Variants in MFSD6 observed in about 807,000 individuals in gnomAD.
MFSD6 encodes major facilitator superfamily domain-containing protein 6.
MFSD6 carries 26 observed loss-of-function variants against 56.3 expected under a neutral mutation model. The observed-to-expected ratio is 0.46, with a 90% CI of 0.34 to 0.64. The LOEUF is 0.64. Among genes scored for constraint, MFSD6 ranks in the 30% least tolerant of loss-of-function variants. MFSD6 has a pLI of 0.01. For missense variants in MFSD6, 750 were observed against 986.2 expected, an observed-to-expected ratio of 0.76 and a Z score of 3.21; for synonymous variants, 331 against 366.9, an observed-to-expected ratio of 0.90 and a Z score of 1.12.
rs1274940811 is a variant in MFSD6, at chr2:190,426,670, C to T, written c.-53-9307C>T. Among the ~76,000 whole-genome samples the T allele has an allele frequency of 6.6e-6, 1 of 152,132 alleles. No homozygotes were observed. The highest frequency in any genetic ancestry group is 2.4e-5 in the African/African-American group (1 of 41,432). On this transcript the variant is annotated intron_variant, in intron 2 of 7. Coordinates refer to ENST00000392328, the MANE Select transcript of MFSD6 (RefSeq NM_017694.4). This position sits in a 1 kb window ranked among gnomAD's most constrained non-coding sequence, Gnocchi z 4.7. ...TGGAGTCCCCAGTGTCTATTATTTC[C>T]AAATGATGGTTGTTTTCAAAATGGT... is the stretch of plus-strand genomic sequence containing the variant.
intron 4 of MFSD6, among the ~76,000 whole-genome samples, chr2:190,481,243 A>T (rs1688647059): frequency 6.6e-6 from 1 of 152,248 alleles, no homozygotes; most frequent in Non-Finnish European, 1.5e-5. Flanking sequence ...GTAAAAATTC[A>T]CGAGGGCCCC....
In MFSD6 at chr2:190,437,178, G is replaced by C; in HGVS notation, c.1149G>C (p.Leu383Phe). The C allele has an allele frequency of 3.7e-6, 6 of 1,614,240 alleles. No homozygotes were observed. The highest frequency in any genetic ancestry group is 5.1e-6 in the Non-Finnish European group (6 of 1,180,044). Residue 383 changes from leucine (L) to phenylalanine (F), a missense_variant, in exon 3 of 8, where the codon TTG (leucine) becomes TTC (phenylalanine). This residue lies in a region of MFSD6 where 376 missense variants were observed against 437.9 expected (regional missense o/e 0.86). Transcript: ENST00000392328. The surrounding 1 kb of genome is among the most constrained non-coding windows in gnomAD (Gnocchi z 5.9). ...IVFGVLMTMA[L>F]IVATQFRFRY... ...TCGGCGTTCTCATGACCATGGCCTTGATCGTTGCCACTCAGTTCCGGTTCC... is the reference window on the plus strand; with the variant it reads ...TCGGCGTTCTCATGACCATGGCCTTCATCGTTGCCACTCAGTTCCGGTTCC...
chr2:190,427,133 C>A (rs937369315), intron 2 of MFSD6, among the ~76,000 whole-genome samples: 3 of 152,220 alleles, frequency 2.0e-5, no homozygotes, highest in African/African-American at 7.2e-5. Context: ...TGACATCACC[C>A]CAGTGGGGAA....
At chr2:190,479,415 A>G (rs1346005269) in intron 4 of MFSD6, among the ~76,000 whole-genome samples, 1 of 152,204 alleles carries the variant, frequency 6.6e-6, no homozygotes, top group Non-Finnish European at 1.5e-5. Context: ...ACGTGCCTAA[A>G]AGCATTGCTG....
rs76155346 is a variant in MFSD6 at position 190,460,235 on chromosome 2, A to C, written c.1533-9523A>C. On this transcript the variant is annotated intron_variant, in intron 3 of 7. Transcript: ENST00000392328. ...TATTTATTGTTTGTCCACATAAATA[A>C]AAATATTTATTTTCAACCATAGCCT... 2.8e-4 allele frequency among the ~76,000 whole-genome samples: 43 copies of C among 152,328 alleles called. No homozygotes were observed. The East Asian group carries it at 8.1e-3, about 29-fold the overall frequency.
chr2:190,440,955 G>T (rs1686351663), intron 3 of MFSD6, among the ~76,000 whole-genome samples: 1 of 152,208 alleles, frequency 6.6e-6, no homozygotes, highest in African/African-American at 2.4e-5. Context: ...CTTCAGCACA[G>T]CCAAGGACAC....
At position 190,452,266 on chromosome 2, in the gene MFSD6, CAAT is replaced by C. The variant is rs543270290; in HGVS notation, c.1532+14708_1532+14710del. 1.1e-4 allele frequency among the ~76,000 whole-genome samples: 16 copies of C among 152,034 alleles called. No homozygotes were observed. In the South Asian group the frequency reaches 2.1e-3, roughly 20 times the overall value. On this transcript the variant is annotated intron_variant, in intron 3 of 7. Transcript: ENST00000392328. ...CCAGACTCCATCTCAAAAACAACAA[CAAT>C]AACACAACAACAACAACAATAACAA...
At position 190,451,405 on chromosome 2, in the gene MFSD6, A is replaced by G. The variant is rs1027804528; in HGVS notation, c.1532+13844A>G. Among the ~76,000 whole-genome samples, 1 of 152,250 alleles carries G rather than the reference A, an allele frequency of 6.6e-6. No homozygotes were observed. Among genetic ancestry groups the G allele is most frequent in the Non-Finnish European group, 1.5e-5 (1 of 68,048 alleles). ...TTACTAATTCATTCCTCCAACAAGTATTTATTAAACACACTGGGTGACAGG... is the reference window on the plus strand; with the variant it reads ...TTACTAATTCATTCCTCCAACAAGTGTTTATTAAACACACTGGGTGACAGG... On this transcript the variant is annotated intron_variant, in intron 3 of 7. Transcript: ENST00000392328. This position sits in a 1 kb window ranked among gnomAD's most constrained non-coding sequence, Gnocchi z 5.0.
Position 190,499,131 on chromosome 2 carries a change from G to C in MFSD6, c.2173-884G>C, listed in dbSNP as rs552658167. On this transcript the variant is annotated intron_variant, in intron 7 of 7. Coordinates refer to ENST00000392328, the MANE Select transcript of MFSD6 (RefSeq NM_017694.4). The surrounding 1 kb of genome is among the most constrained non-coding windows in gnomAD (Gnocchi z 6.0). ...CCACTGCACTCCGGCCTAGGCGACA[G>C]AGTGAGACTCCGTCTCAAAATTATA... Among the ~76,000 whole-genome samples the C allele has an allele frequency of 6.6e-6, 1 of 152,302 alleles. No homozygotes were observed. Among genetic ancestry groups the C allele is most frequent in the East Asian group, 1.9e-4 (1 of 5,188 alleles).
Position 190,456,687 on chromosome 2 carries a change from T to G in MFSD6, c.1533-13071T>G, listed in dbSNP as rs1226928490. On this transcript the variant is annotated intron_variant, in intron 3 of 7. Coordinates refer to ENST00000392328, the MANE Select transcript of MFSD6 (RefSeq NM_017694.4). This position sits in a 1 kb window ranked among gnomAD's most constrained non-coding sequence, Gnocchi z 5.4. ...CCCTGACAAGGCAAGCATCCACTTC[T>G]GATTATTTAAAGTCTGCCTGCTTGA... Among the ~76,000 whole-genome samples, 1 of 152,236 alleles carries G rather than the reference T, an allele frequency of 6.6e-6. No individual in the cohort carries two copies. Among genetic ancestry groups the G allele is most frequent in the Non-Finnish European group, 1.5e-5 (1 of 68,044 alleles).
In MFSD6 at chr2:190,492,492, T is replaced by C. The variant is rs1689414507; in HGVS notation, c.1891+2626T>C. Among the ~76,000 whole-genome samples, 1 of 152,206 alleles carries C rather than the reference T, an allele frequency of 6.6e-6. No individual in the cohort carries two copies. Among genetic ancestry groups the C allele is most frequent in the African/African-American group, 2.4e-5 (1 of 41,454 alleles). On this transcript the variant is annotated intron_variant, in intron 6 of 7. Coordinates refer to ENST00000392328, the MANE Select transcript of MFSD6 (RefSeq NM_017694.4). This position sits in a 1 kb window ranked among gnomAD's most constrained non-coding sequence, Gnocchi z 5.2. ...GCTAGAAGGGATTGAGGCCCTATGT[T>C]CAGCCTCATAATTAATTTCCATAAA...
rs974750405 is a variant in MFSD6 at position 190,413,990 on chromosome 2, A to T, written c.-175-1302A>T. ...TTAAGGTAGAACATACTTGGCCTCA[A>T]GGTACTTGGCTCAAGGTAGAGCAAA... On this transcript the variant is annotated intron_variant, in intron 1 of 7. Coordinates refer to ENST00000392328, the MANE Select transcript of MFSD6 (RefSeq NM_017694.4). This position sits in a 1 kb window ranked among gnomAD's most constrained non-coding sequence, Gnocchi z 4.1. Among the ~76,000 whole-genome samples, 3 of 152,302 alleles carry T rather than the reference A, an allele frequency of 2.0e-5. No homozygotes were observed. Among genetic ancestry groups the T allele is most frequent in the South Asian group, 4.1e-4 (2 of 4,820 alleles).
rs1316764876 is a variant in MFSD6, at chr2:190,459,743, T to C, written c.1533-10015T>C. ...TGACCATAGTTACACTCTTAGCTTA[T>C]CAGTCATTTTAGAGGGAAGAATCTG... is the stretch of plus-strand genomic sequence containing the variant. On this transcript the variant is annotated intron_variant, in intron 3 of 7. Coordinates refer to ENST00000392328, the MANE Select transcript of MFSD6 (RefSeq NM_017694.4). The surrounding 1 kb of genome is among the most constrained non-coding windows in gnomAD (Gnocchi z 5.3). Among the ~76,000 whole-genome samples, 1 of 152,210 alleles carries C rather than the reference T, an allele frequency of 6.6e-6. No individual in the cohort carries two copies. The highest frequency in any genetic ancestry group is 1.5e-5 in the Non-Finnish European group (1 of 68,036).
intron 3 of MFSD6, among the ~76,000 whole-genome samples, chr2:190,449,662 A>AC (rs374080691): frequency 0.25 from 38,580 of 152,012 alleles, 5,413 homozygotes; most frequent in South Asian, 0.33. Flanking sequence ...TAGCACATAT[A>AC]ACCATGAAAT....
At chr2:190,427,673 G>A (rs1301682694) in intron 2 of MFSD6, among the ~76,000 whole-genome samples, 1 of 151,938 alleles carries the variant, frequency 6.6e-6, no homozygotes, top group Admixed American at 6.6e-5. Flanking sequence ...GTACTTAGCA[G>A]AAGTGATAGA....
In MFSD6 at chr2:190,412,524, T is replaced by C. The variant is rs761766851; in HGVS notation, c.-175-2768T>C. 69 of 985,312 alleles carry C rather than the reference T, an allele frequency of 7.0e-5. No individual in the cohort carries two copies. The Middle Eastern group carries it at 1.5e-3, about 22-fold the overall frequency. 61.0% of individuals were successfully genotyped at this position (985,312 alleles called of 1,614,324 possible). On this transcript the variant is annotated intron_variant, in intron 1 of 7. Transcript: ENST00000392328. This position sits in a 1 kb window ranked among gnomAD's most constrained non-coding sequence, Gnocchi z 4.1. Reference sequence around the variant, plus strand: ...ATTTCTTCCTCAAACTCAACTAACATGGCATTTCCTTGGGCATAGCATTTT... The same window carrying C: ...ATTTCTTCCTCAAACTCAACTAACACGGCATTTCCTTGGGCATAGCATTTT...
In MFSD6 at chr2:190,467,588, C is replaced by T. The variant is rs563393293; in HGVS notation, c.1533-2170C>T. Among the ~76,000 whole-genome samples, 20 of 152,116 alleles carry T rather than the reference C, an allele frequency of 1.3e-4. No individual in the cohort carries two copies. Among genetic ancestry groups the T allele is most frequent in the African/African-American group, 4.1e-4 (17 of 41,490 alleles). The stretch of plus-strand genomic sequence containing the variant: ...AGATCGTGCCACTGCTCTCTAGCCT[C>T]GGCAACAGAGCGAGACTCTGTCTCA... On this transcript the variant is annotated intron_variant, in intron 3 of 7. Coordinates refer to ENST00000392328, the MANE Select transcript of MFSD6 (RefSeq NM_017694.4). The surrounding 1 kb of genome is among the most constrained non-coding windows in gnomAD (Gnocchi z 5.5).
chr2:190,407,652 T>C (rs1024381791), upstream of MFSD6, among the ~76,000 whole-genome samples: 24 of 152,304 alleles, frequency 1.6e-4, no homozygotes, highest in Non-Finnish European at 3.1e-4. The surrounding 1 kb of genome is among the most constrained non-coding windows in gnomAD (Gnocchi z 5.4). Context: ...ACAACTTTAA[T>C]TATATTCTTA....
At chr2:190,421,856 T>C (rs1407480988) in intron 2 of MFSD6, among the ~76,000 whole-genome samples, 2 of 152,222 alleles carry the variant, frequency 1.3e-5, no homozygotes, top group African/African-American at 4.8e-5. Flanking sequence ...AAAATTCTTG[T>C]ATCTGTATTT....
Sources: gnomAD v4.1 joint callset for allele counts (sites outside exome capture counted in the v4.1 genomes callset) on GRCh38, gnomAD v4.1.1 for gene constraint, gnomAD v4.1.1 regional missense constraint, Gnocchi (gnomAD v3.1) non-coding constraint, MANE v1.5 for transcripts, NCBI Gene and HGNC (gene_info 2026-07-23, HGNC 2026-07-21) for gene names.